Variants in FRMD5 observed in about 807,000 individuals in gnomAD.
FRMD5 encodes FERM domain-containing protein 5.
A neutral mutation model predicts 69.0 loss-of-function variants in FRMD5; 20 were observed. The ratio of observed to expected loss-of-function variants is 0.29; its 90% CI spans 0.20 to 0.42. The LOEUF is 0.42. Ranked by LOEUF, FRMD5 falls within the 10% of genes least tolerant of loss-of-function variation. The pLI, the probability that FRMD5 is intolerant of heterozygous loss-of-function variation, is 1.00. For missense variants in FRMD5, 595 were observed against 708.6 expected, an observed-to-expected ratio of 0.84 and a Z score of 1.82; for synonymous variants, 271 against 260.1, an observed-to-expected ratio of 1.04 and a Z score of -0.40.
chr15:44,056,477 G>A (rs1458032967), intron 1 of FRMD5, among the ~76,000 whole-genome samples: 1 of 152,126 alleles, frequency 6.6e-6, no homozygotes, highest in African/African-American at 2.4e-5. Flanking sequence ...AGAAACCCAG[G>A]TACCAAGCAA....
intron 1 of FRMD5, among the ~76,000 whole-genome samples, chr15:44,116,853 G>A (rs1295207358): frequency 2.6e-5 from 4 of 152,036 alleles, no homozygotes; most frequent in African/African-American, 7.3e-5. Context: ...AGGCTGAGGC[G>A]GGCGGATCAC....
chr15:44,027,681 C>T (rs1048028468), intron 1 of FRMD5, among the ~76,000 whole-genome samples: 4 of 141,750 alleles, frequency 2.8e-5, no homozygotes, highest in African/African-American at 1.1e-4. Context: ...GACAGAGTCT[C>T]GCTCTGTTGC....
intron 2 of FRMD5, among the ~76,000 whole-genome samples, chr15:43,922,143 C>G (rs749665668): frequency 5.3e-5 from 8 of 152,198 alleles, no homozygotes; most frequent in African/African-American, 1.4e-4. Flanking sequence ...AATTACACAA[C>G]TTTCAGAGGC....
At chr15:43,933,675 A>G (rs1218996336) in intron 1 of FRMD5, among the ~76,000 whole-genome samples, 2 of 152,248 alleles carry the variant, frequency 1.3e-5, no homozygotes, top group African/African-American at 4.8e-5. Flanking sequence ...ACTTCAGAGC[A>G]TTAGACTGTG....
chr15:44,116,904 A>T (rs546293681), intron 1 of FRMD5, among the ~76,000 whole-genome samples: 1 of 152,082 alleles, frequency 6.6e-6, no homozygotes, highest in Non-Finnish European at 1.5e-5. Flanking sequence ...CAACATGGTA[A>T]AACCCTGTCT....
At chr15:44,042,018 CATAG>C (rs1892218448) in intron 1 of FRMD5, among the ~76,000 whole-genome samples, 2 of 151,942 alleles carry the variant, frequency 1.3e-5, no homozygotes, top group Non-Finnish European at 2.9e-5. Flanking sequence ...AGATCAACAA[CATAG>C]ATAGACTACT....
chr15:43,913,725 C>T (rs1344584365), intron 4 of FRMD5, among the ~76,000 whole-genome samples: 1 of 152,210 alleles, frequency 6.6e-6, no homozygotes, highest in Non-Finnish European at 1.5e-5. Flanking sequence ...AACCTCAGAA[C>T]ATTTCATAGC....
chr15:44,163,172 TCAAAAAAACAAAA>T (rs2077652245), intron 1 of FRMD5, among the ~76,000 whole-genome samples: 6 of 150,994 alleles, frequency 4.0e-5, no homozygotes, highest in Admixed American at 3.9e-4. Context: ...AGACTCCGTC[TCAAAAAAACAAAA>T]CAAAAAAACC....
chr15:44,027,639 GTTTTTTTTTTTGTTTTT>G (rs1891488757), intron 1 of FRMD5, among the ~76,000 whole-genome samples: 1 of 27,050 alleles, frequency 3.7e-5, no homozygotes, highest in African/African-American at 5.8e-5. Flanking sequence ...TTCTTTTCTA[GTTTTTTTTTTTGTTTTT>G]TTTTTTTTTT....
At chr15:44,065,834 C>T (rs1049116745) in intron 1 of FRMD5, among the ~76,000 whole-genome samples, 5 of 152,272 alleles carry the variant, frequency 3.3e-5, no homozygotes, top group African/African-American at 1.2e-4. Flanking sequence ...TTTTTATCTC[C>T]ATAATTGGGA....
At chr15:43,941,941 A>G (rs1038120303) in intron 1 of FRMD5, among the ~76,000 whole-genome samples, 1 of 152,238 alleles carries the variant, frequency 6.6e-6, no homozygotes, top group Non-Finnish European at 1.5e-5. Flanking sequence ...CAAGAAATAT[A>G]TTAAGAGAAT....
At chr15:44,147,573 C>T (rs1253654960) in intron 1 of FRMD5, among the ~76,000 whole-genome samples, 1 of 151,982 alleles carries the variant, frequency 6.6e-6, no homozygotes. Flanking sequence ...GCAGTATGGC[C>T]ATTAAGTTGA....
chr15:44,195,942 G>T (rs146246981), upstream of FRMD5, among the ~76,000 whole-genome samples: 113 of 152,306 alleles, frequency 7.4e-4, no homozygotes, highest in South Asian at 0.012. Flanking sequence ...CCTTCAGCTG[G>T]TAGGGAGCAG....
At chr15:44,050,240 A>G (rs1341080983) in intron 1 of FRMD5, among the ~76,000 whole-genome samples, 1 of 152,254 alleles carries the variant, frequency 6.6e-6, no homozygotes, top group Admixed American at 6.5e-5. Context: ...TGTGCAAAAA[A>G]AGAGAGTGGT....
At chr15:44,101,171 CAGAAAAGAAAAA>C (rs2076635080) in intron 1 of FRMD5, among the ~76,000 whole-genome samples, 3 of 150,002 alleles carry the variant, frequency 2.0e-5, no homozygotes, top group Admixed American at 6.6e-5. Context: ...AACAAACAAA[CAGAAAAGAAAAA>C]AGAAAAGAAG....
intron 1 of FRMD5, among the ~76,000 whole-genome samples, chr15:43,992,586 C>T (rs1023803116): frequency 2.6e-5 from 4 of 152,112 alleles, no homozygotes; most frequent in African/African-American, 9.7e-5. Context: ...CCACATTGGC[C>T]AGACTGGTCT....
chr15:43,932,907 T>C (rs1307413100), intron 1 of FRMD5, among the ~76,000 whole-genome samples: 1 of 152,170 alleles, frequency 6.6e-6, no homozygotes, highest in Non-Finnish European at 1.5e-5. Flanking sequence ...AGACAAGTCA[T>C]TTTCACTGCT....
intron 1 of FRMD5, among the ~76,000 whole-genome samples, chr15:43,977,793 C>T (rs192850995): frequency 6.6e-6 from 1 of 152,130 alleles, no homozygotes; most frequent in Non-Finnish European, 1.5e-5. Flanking sequence ...ATAGGCCTCC[C>T]TCTTCTACAG....
chr15:43,875,743 C>T (rs568718938), intron 13 of FRMD5: 19 of 558,544 alleles, frequency 3.4e-5, no homozygotes, highest in East Asian at 1.8e-4. Flanking sequence ...TGTGAGCCAC[C>T]GCACCCAGCC....
Sources: gnomAD v4.1 joint callset for allele counts (sites outside exome capture counted in the v4.1 genomes callset) on GRCh38, gnomAD v4.1.1 for gene constraint, MANE v1.5 for transcripts, NCBI Gene and HGNC (gene_info 2026-07-23, HGNC 2026-07-21) for gene names.